ANKRD27: variants seen among roughly 807,000 people sequenced by gnomAD.
The protein encoded by ANKRD27 is ankyrin repeat domain-containing protein 27.
A neutral mutation model predicts 129.7 loss-of-function variants in ANKRD27; 112 were observed. That is an observed-to-expected ratio of 0.86 (90% CI 0.74 to 1.01). ANKRD27 has a LOEUF of 1.01. Among genes scored for constraint, ANKRD27 ranks in the 50% least tolerant of loss-of-function variants. ANKRD27 has a pLI of 0.00. For synonymous variants in ANKRD27, 516 were observed against 511.2 expected, an observed-to-expected ratio of 1.01 and a Z score of -0.13; for missense variants, 1,258 against 1,300.5, an observed-to-expected ratio of 0.97 and a Z score of 0.50.
intron 22 of ANKRD27, among the ~76,000 whole-genome samples, chr19:32,608,788 C>T (rs575302305): frequency 2.0e-4 from 30 of 152,204 alleles, no homozygotes; most frequent in Non-Finnish European, 4.4e-4. Flanking sequence ...CCCGTCTCTA[C>T]CAAAAATACA....
At chr19:32,612,860 A>T (rs924451125) in intron 22 of ANKRD27, among the ~76,000 whole-genome samples, 3 of 152,246 alleles carry the variant, frequency 2.0e-5, no homozygotes, top group African/African-American at 7.2e-5. Context: ...AAAAAACAGG[A>T]GAAAGTTGGA....
intron 22 of ANKRD27, among the ~76,000 whole-genome samples, chr19:32,613,655 T>C (rs417823): frequency 0.59 from 88,234 of 150,776 alleles, 26,919 homozygotes; most frequent in Non-Finnish European, 0.69. Context: ...TCAAACGGAG[T>C]GAAGAAAGTC....
intron 12 of ANKRD27, among the ~76,000 whole-genome samples, chr19:32,632,584 CAAAAAAAA>C (rs531083631): frequency 2.8e-5 from 3 of 105,276 alleles, no homozygotes; most frequent in African/African-American, 3.7e-5. Context: ...GACTCCATCT[CAAAAAAAA>C]AAAAAAAAAA....
intron 12 of ANKRD27, 24 bp downstream of exon 12, chr19:32,639,332 G>C (rs776869611): frequency 1.2e-6 from 2 of 1,613,838 alleles, no homozygotes; most frequent in Non-Finnish European, 8.5e-7. Context: ...ACAAAGGAAG[G>C]CCAGGGCAGG....
intron 12 of ANKRD27, chr19:32,637,675 C>T (rs977612015): frequency 3.9e-5 from 6 of 152,338 alleles, no homozygotes; most frequent in African/African-American, 9.6e-5. Flanking sequence ...CACTCCCAGG[C>T]GCAGCTGCAG....
chr19:32,652,737 G>C (rs570730010), intron 2 of ANKRD27, among the ~76,000 whole-genome samples: 1 of 151,948 alleles, frequency 6.6e-6, no homozygotes, highest in Admixed American at 6.6e-5. Context: ...AGACCAGCCT[G>C]GGCGACAGGG....
At position 32,640,153 on chromosome 19, in the gene ANKRD27, C is replaced by T. The variant is rs542308643; in HGVS notation, c.983+154G>A. 4.3e-4 allele frequency among the ~76,000 whole-genome samples: 65 copies of T among 152,244 alleles called. 1 individual carries two copies. Among genetic ancestry groups the T allele is most frequent in the South Asian group, 2.9e-3 (14 of 4,830 alleles). On this transcript the variant is annotated intron_variant, in intron 11 of 28. Coordinates refer to ENST00000306065, the MANE Select transcript of ANKRD27 (RefSeq NM_032139.3). ...ATTTTTTTGTATTTTTTAGTAGAGA[C>T]GGGGTTTCACCGTGTTAGCCAGGAT...
chr19:32,622,970 C>G (rs865803968), intron 17 of ANKRD27, among the ~76,000 whole-genome samples: 3 of 145,836 alleles, frequency 2.1e-5, no homozygotes, highest in African/African-American at 5.1e-5. Flanking sequence ...TTTTTTTTTT[C>G]CTGTAGAGAC....
intron 2 of ANKRD27, among the ~76,000 whole-genome samples, chr19:32,654,004 G>GAA (rs1967472657): frequency 6.6e-6 from 1 of 152,060 alleles, no homozygotes; most frequent in Admixed American, 6.6e-5. Context: ...GGGTTCACGC[G>GAA]ATTCTCCTGC....
Position 32,625,860 on chromosome 19 carries a change from C to A in ANKRD27, c.1629+14G>T. 1 of 1,569,838 alleles carries A rather than the reference C, an allele frequency of 6.4e-7. No homozygotes were observed. The highest frequency in any genetic ancestry group is 8.6e-7 in the Non-Finnish European group (1 of 1,161,702). On this transcript the variant is annotated intron_variant, in intron 17 of 28. Transcript: ENST00000306065. ...GGTGAACGCAGCCCCCCCGGAACAGCAAGAGCCACTCACGTCCTCGTGGCC... is the reference window on the plus strand; with the variant it reads ...GGTGAACGCAGCCCCCCCGGAACAGAAAGAGCCACTCACGTCCTCGTGGCC...
At chr19:32,604,005 G>A (rs868618862) in intron 25 of ANKRD27, among the ~76,000 whole-genome samples, 1 of 98,944 alleles carries the variant, frequency 1.0e-5, no homozygotes, top group Non-Finnish European at 1.9e-5. Flanking sequence ...TGCTAGCTGA[G>A]GGGGGGGCCC....
chr19:32,623,626 T>C (rs1449468172), intron 17 of ANKRD27, among the ~76,000 whole-genome samples: 1 of 151,824 alleles, frequency 6.6e-6, no homozygotes, highest in Non-Finnish European at 1.5e-5. Flanking sequence ...CTCAGCTCAT[T>C]GCAACCTCCG....
intron 22 of ANKRD27, among the ~76,000 whole-genome samples, chr19:32,612,465 T>C (rs570862397): frequency 2.0e-5 from 3 of 152,246 alleles, no homozygotes; most frequent in African/African-American, 7.2e-5. Context: ...ATAAATAAAA[T>C]TTACATGGCA....
chr19:32,652,622 C>A (rs1035321625), intron 2 of ANKRD27, among the ~76,000 whole-genome samples: 1 of 148,814 alleles, frequency 6.7e-6, no homozygotes, highest in Non-Finnish European at 1.5e-5. Flanking sequence ...GCAGGAGCTG[C>A]ATTTTATGAG....
intron 10 of ANKRD27, 57 bp from the exon 11 acceptor site, chr19:32,640,442 CA>C (rs1967177310): frequency 2.1e-6 from 3 of 1,429,930 alleles, no homozygotes; most frequent in Admixed American, 1.7e-5. Context: ...GACTGACAAG[CA>C]TATCAACTCC....
Position 32,604,338 on chromosome 19 carries a change from C to G in ANKRD27, c.2580G>C (p.Glu860Asp). 1 of 1,614,058 alleles carries G rather than the reference C, an allele frequency of 6.2e-7. No individual in the cohort carries two copies. The highest frequency in any genetic ancestry group is 1.1e-5 in the South Asian group (1 of 91,082). ...CTGACGCTCCGTGGAGCAGAAGCAG[C>G]TCTACCACGAAGACGTGCTTTTCAA... Reference protein sequence around the residue: ...AVIEKHVFVVELLLLHGASVQ... With the variant: ...AVIEKHVFVVDLLLLHGASVQ... The change falls in exon 25 of 29, where the codon GAG becomes GAC. Residue 860 changes from glutamate (E) to aspartate (D), a missense_variant. Physicochemically the swap from Glu to Asp is conservative, Grantham distance 45. Transcript: ENST00000306065.
chr19:32,597,439 A>G lies in ANKRD27; in HGVS notation c.*706T>C, dbSNP rs758134098. ...CAGACATTCAAGGGAGGTTCTCAAC[A>G]AAAAGGGATGTTTCTAGAAATACTG... On this transcript the variant is annotated 3_prime_UTR_variant, in exon 29 of 29. Transcript: ENST00000306065. 86 of 152,846 alleles carry G rather than the reference A, an allele frequency of 5.6e-4. No individual in the cohort carries two copies. Among genetic ancestry groups the G allele is most frequent in the Non-Finnish European group, 6.2e-4 (42 of 68,140 alleles). The allele number at this position is 152,846 out of a possible 1,614,324, so 9.5% of individuals were successfully genotyped here. A position where few individuals can be genotyped will look rare whatever the true frequency, so the allele number is the denominator to read the frequency against.
At chr19:32,626,635 A>G in intron 16 of ANKRD27, 77 bp downstream of exon 16, 1 of 1,114,366 alleles carries the variant, frequency 9.0e-7, no homozygotes, top group Admixed American at 2.2e-5. Flanking sequence ...GGTAGCCAGC[A>G]TGACCGTACA....
intron 1 of ANKRD27, among the ~76,000 whole-genome samples, chr19:32,660,635 G>T (rs1303493885): frequency 6.6e-6 from 1 of 152,126 alleles, no homozygotes; most frequent in Non-Finnish European, 1.5e-5. Flanking sequence ...CAACCTGCAG[G>T]ATCTTCACCT....
Sources: allele counts gnomAD v4.1 joint callset (sites outside exome capture counted in the v4.1 genomes callset), GRCh38; gene constraint gnomAD v4.1.1; transcripts MANE v1.5; gene names NCBI Gene and HGNC (gene_info 2026-07-23, HGNC 2026-07-21).